The following RRP1B variants were observed in gnomAD, a reference collection of about 807,000 sequenced individuals.
RRP1B encodes ribosomal RNA processing 1B, also known as ribosomal RNA processing protein 1 homolog B.
A neutral mutation model predicts 80.2 loss-of-function variants in RRP1B; 56 were observed. The ratio of observed to expected loss-of-function variants is 0.70; its 90% CI spans 0.56 to 0.87. The LOEUF (loss-of-function observed/expected upper bound fraction) is 0.87, where lower values mean the gene tolerates loss of function less well. RRP1B is among the 40% of genes least tolerant of loss of function. The pLI is 0.00. For synonymous variants in RRP1B, 351 were observed against 357.6 expected, an observed-to-expected ratio of 0.98 and a Z score of 0.21; for missense variants, 807 against 939.8, an observed-to-expected ratio of 0.86 and a Z score of 1.85.
chr21:43,683,225 C>A, intron 8 of RRP1B, 54 bp from the exon 9 acceptor site: 1 of 1,420,330 alleles, frequency 7.0e-7, no homozygotes, highest in South Asian at 1.2e-5. Context: ...TGGAAGTAGT[C>A]ACTTCTGTGT....
chr21:43,692,914 C>T (rs1378750893), intron 15 of RRP1B, among the ~76,000 whole-genome samples: 1 of 152,172 alleles, frequency 6.6e-6, no homozygotes, highest in Non-Finnish European at 1.5e-5. Flanking sequence ...CCCCAATGTT[C>T]ACCCTTCCAG....
At chr21:43,667,846 T>C (rs1215893294) in intron 1 of RRP1B, among the ~76,000 whole-genome samples, 2 of 152,210 alleles carry the variant, frequency 1.3e-5, no homozygotes, top group African/African-American at 2.4e-5. Context: ...AAAGGGAATA[T>C]ACTTTAATAA....
chr21:43,682,640 G>A (rs762086726), intron 8 of RRP1B, among the ~76,000 whole-genome samples: 6 of 152,192 alleles, frequency 3.9e-5, no homozygotes, highest in African/African-American at 9.7e-5. Flanking sequence ...TGTCCCATCC[G>A]CTTGCCTGCG....
intron 13 of RRP1B, among the ~76,000 whole-genome samples, chr21:43,688,529 C>T (rs926894666): frequency 6.6e-6 from 1 of 152,232 alleles, no homozygotes; most frequent in Non-Finnish European, 1.5e-5. Context: ...GCACTCCTGC[C>T]CCAGGCGTGT....
chr21:43,676,938 G>A (rs1451849817), intron 8 of RRP1B, 24 bp downstream of exon 8: 1 of 1,604,418 alleles, frequency 6.2e-7, no homozygotes, highest in Admixed American at 1.7e-5. Flanking sequence ...CTTGGTCAGT[G>A]TAGCTTTCTT....
chr21:43,688,131 C>G lies in RRP1B; in HGVS notation c.1757C>G (p.Pro586Arg). 6.3e-7 allele frequency: 1 copy of G among 1,591,804 alleles called. No individual in the cohort carries two copies. The highest frequency in any genetic ancestry group is 1.8e-5 in the Admixed American group (1 of 55,208). ...GGCAGCCTGGAGCTCTGTGGCCTGC[C>G]CAGCCAGAAAACAGCAAGTTTGAAA... ...GPGSLELCGLPSQKTASLKKR... is the reference protein window; with the variant it reads ...GPGSLELCGLRSQKTASLKKR... Residue 586 changes from proline to arginine, a missense_variant, in exon 13 of 16, where the codon CCC becomes CGC. Physicochemically the swap from Pro to Arg is moderately radical, Grantham distance 103 (BLOSUM62 -2). Coordinates refer to ENST00000340648, the MANE Select transcript of RRP1B (RefSeq NM_015056.3).
intron 12 of RRP1B, 24 bp downstream of exon 12, chr21:43,686,959 G>A (rs2083065483): frequency 1.2e-6 from 2 of 1,609,098 alleles, no homozygotes; most frequent in Admixed American, 1.7e-5. Context: ...CTAAAAAGAA[G>A]GGCACGACTC....
At chr21:43,674,830 T>A in intron 5 of RRP1B, 133 bp downstream of exon 5, 2 of 1,030,684 alleles carry the variant, frequency 1.9e-6, no homozygotes, top group Non-Finnish European at 2.9e-6. Context: ...TGAAATCCAG[T>A]AGAAGGCATA....
At chr21:43,671,187 C>G (rs531721031) in intron 2 of RRP1B, among the ~76,000 whole-genome samples, 7 of 152,158 alleles carry the variant, frequency 4.6e-5, no homozygotes, top group Non-Finnish European at 8.8e-5. Context: ...TCAGGGACCC[C>G]TTCACCCAGG....
At chr21:43,672,675 C>T (rs1255603805) in intron 3 of RRP1B, among the ~76,000 whole-genome samples, 3 of 152,142 alleles carry the variant, frequency 2.0e-5, no homozygotes, top group Non-Finnish European at 2.9e-5. Flanking sequence ...ATGCCAGGTT[C>T]GTCTTCCCCA....
intron 12 of RRP1B, 144 bp from the exon 13 acceptor site, chr21:43,687,372 C>T (rs1044212313): frequency 1.1e-6 from 1 of 909,940 alleles, no homozygotes; most frequent in East Asian, 2.5e-5. Flanking sequence ...AGTGGGCGCA[C>T]CAAGTACCTC....
Position 43,676,757 on chromosome 21 carries a change from T to G in RRP1B, c.639T>G (p.Ala213=). ...GCCACACCCTGGTACAGACCATAGC[T>G]CGGGGTGTCTTCGAAGCTATCGTAG... ...TKDHTLVQTI[A]RGVFEAIVDQ... Residue 213 remains alanine (A), a synonymous_variant, in exon 8 of 16, where the codon GCT becomes GCG. Coordinates refer to ENST00000340648, the MANE Select transcript of RRP1B (RefSeq NM_015056.3). 6.2e-7 allele frequency: 1 copy of G among 1,614,152 alleles called. No individual in the cohort carries two copies. Among genetic ancestry groups the G allele is most frequent in the East Asian group, 2.2e-5 (1 of 44,880 alleles).
At chr21:43,661,245 T>C (rs2082955396) in intron 1 of RRP1B, among the ~76,000 whole-genome samples, 1 of 152,194 alleles carries the variant, frequency 6.6e-6, no homozygotes, top group East Asian at 1.9e-4. Context: ...AAACCTAAAT[T>C]GTTGTCCCAG....
At chr21:43,675,672 T>C (rs2083018880) in intron 6 of RRP1B, among the ~76,000 whole-genome samples, 1 of 152,290 alleles carries the variant, frequency 6.6e-6, no homozygotes, top group African/African-American at 2.4e-5. Context: ...AATTCTTTTG[T>C]CTCACACTTG....
At chr21:43,686,053 C>A (rs1204563384) in intron 11 of RRP1B, 4 of 319,902 alleles carry the variant, frequency 1.3e-5, no homozygotes, top group Non-Finnish European at 2.3e-5. Context: ...CCCAGGAGGT[C>A]CAGGATGCAG....
intron 1 of RRP1B, among the ~76,000 whole-genome samples, chr21:43,669,654 C>T (rs1208147192): frequency 2.0e-5 from 3 of 152,316 alleles, no homozygotes; most frequent in Non-Finnish European, 4.4e-5. Flanking sequence ...TGCTTCCTCA[C>T]GCTGAGGCCG....
At chr21:43,681,259 A>AACAG (rs1330526588) in intron 8 of RRP1B, among the ~76,000 whole-genome samples, 1 of 132,168 alleles carries the variant, frequency 7.6e-6, no homozygotes, top group Non-Finnish European at 1.7e-5. Context: ...TAAATAAATA[A>AACAG]ACAGATAGAT....
chr21:43,674,985 G>C, intron 5 of RRP1B, 49 bp from the exon 6 acceptor site: 1 of 1,604,932 alleles, frequency 6.2e-7, no homozygotes. Context: ...TGGGAAGTGG[G>C]ACGTGTTGGC....
At chr21:43,675,621 A>AT (rs2083018735) in intron 6 of RRP1B, among the ~76,000 whole-genome samples, 1 of 152,108 alleles carries the variant, frequency 6.6e-6, no homozygotes, top group Admixed American at 6.6e-5. Context: ...GGGAACATGT[A>AT]TTTTTTTGAT....
Sources: gnomAD v4.1 joint callset for allele counts (sites outside exome capture counted in the v4.1 genomes callset) on GRCh38, gnomAD v4.1.1 for gene constraint, MANE v1.5 for transcripts, NCBI Gene and HGNC (gene_info 2026-07-23, HGNC 2026-07-21) for gene names.